The following CYP27A1 variants were observed in gnomAD, a reference collection of about 807,000 sequenced individuals.
CYP27A1 encodes the protein cytochrome P450 family 27 subfamily A member 1.
In CYP27A1, 46 loss-of-function variants were observed where a neutral mutation model predicts 58.2. The ratio of observed to expected loss-of-function variants is 0.79; its 90% CI spans 0.62 to 1.01. The LOEUF is 1.01. CYP27A1 is among the 50% of genes least tolerant of loss of function. The pLI is 0.00. For missense variants in CYP27A1, 704 were observed against 687.0 expected, an observed-to-expected ratio of 1.02 and a Z score of -0.28; for synonymous variants, 274 against 285.1, an observed-to-expected ratio of 0.96 and a Z score of 0.39.
chr2:218,799,168 C>G (rs1042582138), intron 1 of CYP27A1, among the ~76,000 whole-genome samples: 2 of 152,060 alleles, frequency 1.3e-5, no homozygotes, highest in African/African-American at 4.8e-5. Flanking sequence ...TTGGTGCTGC[C>G]CACCCCTCCC....
At chr2:218,805,682 T>TG (rs1254207888) in intron 1 of CYP27A1, among the ~76,000 whole-genome samples, 1 of 152,130 alleles carries the variant, frequency 6.6e-6, no homozygotes, top group East Asian at 1.9e-4. Context: ...TTTTGTCAGG[T>TG]GGGGGCTAAC....
chr2:218,798,493 G>A (rs1222735660), intron 1 of CYP27A1, among the ~76,000 whole-genome samples: 1 of 152,080 alleles, frequency 6.6e-6, no homozygotes, highest in Non-Finnish European at 1.5e-5. Flanking sequence ...CATAATTAAG[G>A]GTGTGGTTAA....
Position 218,814,102 on chromosome 2 carries a change from G to T in CYP27A1, c.1099G>T (p.Gly367Cys), listed in dbSNP as rs765028733. The change falls in exon 6 of 9, where the codon GGT (glycine) becomes TGT (cysteine). Residue 367 changes from glycine (G) to cysteine (C), a missense_variant. By Grantham distance (159) the Gly-to-Cys change is radical. Coordinates refer to ENST00000258415, the MANE Select transcript of CYP27A1 (RefSeq NM_000784.4). The stretch of plus-strand genomic sequence containing the variant: ...GGAGGCCTTGCACGAGGAAGTGGTG[G>T]GTGTGGTGCCAGCCGGGCAAGTGCC... ...IQEALHEEVV[G>C]VVPAGQVPQH... 6.2e-7 allele frequency: 1 copy of T among 1,614,246 alleles called. No homozygotes were observed. The highest frequency in any genetic ancestry group is 8.5e-7 in the Non-Finnish European group (1 of 1,180,048).
At chr2:218,793,887 G>A (rs565605460) in intron 1 of CYP27A1, among the ~76,000 whole-genome samples, 1 of 151,812 alleles carries the variant, frequency 6.6e-6, no homozygotes, top group Non-Finnish European at 1.5e-5. Context: ...CTAATTTTTC[G>A]TATTTTAGTA....
In CYP27A1 at chr2:218,809,750, C is replaced by G. The variant is rs754714118; in HGVS notation, c.429C>G (p.Thr143=). 13 of 1,613,314 alleles carry G rather than the reference C, an allele frequency of 8.1e-6. No individual in the cohort carries two copies. The highest frequency in any genetic ancestry group is 1.7e-5 in the Admixed American group (1 of 59,992). ...WKEHRDQHDL[T]YGPFTTEGHH... is the part of the protein sequence containing the mutation. ...AGCACCGGGACCAGCACGACCTGAC[C>G]TATGGGCCGTTCACCACGTGAGCTG... Residue 143 remains threonine, a synonymous_variant, in exon 2 of 9, where the codon ACC becomes ACG. Transcript: ENST00000258415.
rs1233931786 is a variant in CYP27A1 at position 218,782,289 on chromosome 2, C to T, written c.107C>T (p.Pro36Leu). Reference protein sequence around the residue: ...RAKAAIPAALPSDKATGAPGA... With the variant: ...RAKAAIPAALLSDKATGAPGA... Reference sequence around the variant, plus strand: ...AAGGCCGCGATCCCTGCCGCCCTCCCCTCGGACAAGGCCACCGGAGCTCCC... The same window carrying T: ...AAGGCCGCGATCCCTGCCGCCCTCCTCTCGGACAAGGCCACCGGAGCTCCC... The change falls in exon 1 of 9, where the codon CCC becomes CTC. Residue 36 changes from proline to leucine, a missense_variant. Physicochemically the swap from Pro to Leu is moderately conservative, Grantham distance 98. Transcript: ENST00000258415. This position sits in a 1 kb window ranked among gnomAD's most constrained non-coding sequence, Gnocchi z 4.1. 4 of 1,596,774 alleles carry T rather than the reference C, an allele frequency of 2.5e-6. No individual in the cohort carries two copies. Among genetic ancestry groups the T allele is most frequent in the African/African-American group, 1.3e-5 (1 of 74,708 alleles).
At chr2:218,809,805 GA>G (rs777665205) in intron 2 of CYP27A1, 38 bp downstream of exon 2, 104 of 1,592,742 alleles carry the variant, frequency 6.5e-5, no homozygotes, top group Non-Finnish European at 2.9e-5. Flanking sequence ...CAGGGCCCCA[GA>G]GGGCCAGGGC....
At chr2:218,799,023 G>A (rs984031177) in intron 1 of CYP27A1, among the ~76,000 whole-genome samples, 1 of 152,194 alleles carries the variant, frequency 6.6e-6, no homozygotes, top group Non-Finnish European at 1.5e-5. Context: ...CCTAGAAGGG[G>A]AATGAATCTG....
At chr2:218,799,245 C>A (rs1943576742) in intron 1 of CYP27A1, among the ~76,000 whole-genome samples, 1 of 152,146 alleles carries the variant, frequency 6.6e-6, no homozygotes, top group African/African-American at 2.4e-5. Context: ...GTTTCTAAGC[C>A]CTTATCTAGA....
At position 218,812,369 on chromosome 2, in the gene CYP27A1, G is replaced by A. The variant is rs1487944910; in HGVS notation, c.594G>A (p.Ser198=). The A allele has an allele frequency of 2.2e-5, 35 of 1,614,014 alleles. No homozygotes were observed. The highest frequency in any genetic ancestry group is 1.6e-4 in the Middle Eastern group (1 of 6,084). Residue 198 remains serine, a synonymous_variant, in exon 3 of 9, where the codon TCG becomes TCA. Transcript: ENST00000258415. Reference sequence around the variant, plus strand: ...ACCAGCTGCGGGCAGAGAGTGCTTCGGGGAACCAGGTGTCGGACATGGCTC... The same window carrying A: ...ACCAGCTGCGGGCAGAGAGTGCTTCAGGGAACCAGGTGTCGGACATGGCTC... The part of the protein sequence containing the change: ...RLDQLRAESA[S]GNQVSDMAQL...
chr2:218,807,986 C>A (rs1224179952), intron 1 of CYP27A1, among the ~76,000 whole-genome samples: 2 of 152,124 alleles, frequency 1.3e-5, no homozygotes, highest in African/African-American at 4.8e-5. Flanking sequence ...ACTATATATT[C>A]TTATTTTAGA....
chr2:218,785,242 C>T (rs916634533), intron 1 of CYP27A1, among the ~76,000 whole-genome samples: 6 of 151,920 alleles, frequency 3.9e-5, no homozygotes, highest in African/African-American at 1.5e-4. Context: ...AATCTAATGC[C>T]AGCACTGATC....
Position 218,782,552 on chromosome 2 carries a change from C to A in CYP27A1, c.255+115C>A. 3 of 1,331,426 alleles carry A rather than the reference C, an allele frequency of 2.3e-6. No homozygotes were observed. Among genetic ancestry groups the A allele is most frequent in the South Asian group, 1.2e-5 (1 of 83,982 alleles). 82.5% of individuals were successfully genotyped at this position (1,331,426 alleles called of 1,614,324 possible). A position where few individuals can be genotyped will look rare whatever the true frequency, so the allele number is the denominator to read the frequency against. On this transcript the variant is annotated intron_variant, in intron 1 of 8. Transcript: ENST00000258415. This position sits in a 1 kb window ranked among gnomAD's most constrained non-coding sequence, Gnocchi z 4.1. ...GGCTGCAGGAACTCAGCTGGGGACC[C>A]ACTGAGGCTATGGTCATAAACTGGA...
chr2:218,795,252 T>C lies in CYP27A1; in HGVS notation c.255+12815T>C, dbSNP rs146275435. ...TGTTATCATCTGCCTCTGGATCCTGTAGATCCAGTTTTCTTTCCTAGGGCT... is the reference window on the plus strand; with the variant it reads ...TGTTATCATCTGCCTCTGGATCCTGCAGATCCAGTTTTCTTTCCTAGGGCT... On this transcript the variant is annotated intron_variant, in intron 1 of 8. Coordinates refer to ENST00000258415, the MANE Select transcript of CYP27A1 (RefSeq NM_000784.4). Among the ~76,000 whole-genome samples the C allele has an allele frequency of 6.1e-3, 935 of 152,310 alleles. 3 individuals are homozygous for C. Among genetic ancestry groups the C allele is most frequent in the African/African-American group, 0.022 (901 of 41,570 alleles).
intron 5 of CYP27A1, among the ~76,000 whole-genome samples, chr2:218,813,578 A>C (rs1016530054): frequency 1.3e-5 from 2 of 151,946 alleles, no homozygotes; most frequent in Non-Finnish European, 2.9e-5. Context: ...GTTGTGCACC[A>C]CCATGCCCAG....
chr2:218,812,266 G>C lies in CYP27A1; in HGVS notation c.491G>C (p.Arg164Pro), dbSNP rs148417330. ...CAGCTGCGCCAGGCTCTGAACCAGC[G>C]GTTGCTGAAGCCAGCGGAAGCAGCG... ...WYQLRQALNQ[R>P]LLKPAEAALY... is the part of the protein sequence containing the mutation. The change falls in exon 3 of 9, where the codon CGG becomes CCG. Residue 164 changes from arginine (R) to proline (P), a missense_variant. Transcript: ENST00000258415. 102 of 1,614,078 alleles carry C rather than the reference G, an allele frequency of 6.3e-5. No homozygotes were observed. The highest frequency in any genetic ancestry group is 4.5e-4 in the East Asian group (20 of 44,902).
Position 218,814,088 on chromosome 2 carries a change from A to C in CYP27A1, c.1085A>C (p.His362Pro). The C allele has an allele frequency of 6.2e-7, 1 of 1,614,228 alleles. No homozygotes were observed. Among genetic ancestry groups the C allele is most frequent in the Non-Finnish European group, 8.5e-7 (1 of 1,180,028 alleles). The stretch of plus-strand genomic sequence containing the variant: ...GACCCTGAGATCCAGGAGGCCTTGC[A>C]CGAGGAAGTGGTGGGTGTGGTGCCA... Reference protein sequence around the residue: ...SKDPEIQEALHEEVVGVVPAG... With the variant: ...SKDPEIQEALPEEVVGVVPAG... The change falls in exon 6 of 9, where the codon CAC (histidine) becomes CCC (proline). Residue 362 changes from histidine to proline, a missense_variant. Coordinates refer to ENST00000258415, the MANE Select transcript of CYP27A1 (RefSeq NM_000784.4).
chr2:218,807,627 T>G (rs1371905690), intron 1 of CYP27A1, among the ~76,000 whole-genome samples: 1 of 152,148 alleles, frequency 6.6e-6, no homozygotes, highest in African/African-American at 2.4e-5. Context: ...TTTATATTTA[T>G]TTATTTAGAG....
chr2:218,799,841 A>G (rs2105975135), intron 1 of CYP27A1, among the ~76,000 whole-genome samples: 1 of 152,048 alleles, frequency 6.6e-6, no homozygotes, highest in South Asian at 2.1e-4. Flanking sequence ...CGGTGCCCCA[A>G]TGACTTGTGC....
Sources: allele counts gnomAD v4.1 joint callset (sites outside exome capture counted in the v4.1 genomes callset), GRCh38; gene constraint gnomAD v4.1.1; non-coding constraint Gnocchi (gnomAD v3.1); transcripts MANE v1.5; gene names NCBI Gene and HGNC (gene_info 2026-07-23, HGNC 2026-07-21).